Variants in UNC13C observed in about 807,000 individuals in gnomAD.
UNC13C encodes the protein protein unc-13 homolog C.
A neutral mutation model predicts 245.4 loss-of-function variants in UNC13C; 174 were observed. The ratio of observed to expected loss-of-function variants is 0.71; its 90% CI spans 0.63 to 0.80. The LOEUF (loss-of-function observed/expected upper bound fraction) is 0.80, where lower values mean the gene tolerates loss of function less well. UNC13C is among the 30% of genes least tolerant of loss of function. The pLI is 0.00. For missense variants in UNC13C, 2,829 were observed against 2,602.9 expected, an observed-to-expected ratio of 1.09 and a Z score of -1.89; for synonymous variants, 992 against 895.1, an observed-to-expected ratio of 1.11 and a Z score of -1.93.
intron 2 of UNC13C, among the ~76,000 whole-genome samples, chr15:54,076,353 G>A (rs533152869): frequency 1.4e-5 from 2 of 145,402 alleles, no homozygotes; most frequent in African/African-American, 5.1e-5. Flanking sequence ...GTGAGAATAT[G>A]CGGTGTTTGG....
At chr15:54,019,139 A>G (rs1391296336) in intron 2 of UNC13C, among the ~76,000 whole-genome samples, 3 of 152,140 alleles carry the variant, frequency 2.0e-5, no homozygotes, top group Admixed American at 6.6e-5. Context: ...TTATTATCCC[A>G]TTTTACAGGT....
At chr15:53,936,032 T>C in the UNC13C span, among the ~76,000 whole-genome samples, 1 of 152,190 alleles carries the variant, frequency 6.6e-6, no homozygotes, top group Non-Finnish European at 1.5e-5. Context: ...GTGGCATCAT[T>C]ATGTGGGCCC....
chr15:54,484,972 T>C (rs1390783153), intron 19 of UNC13C, among the ~76,000 whole-genome samples: 1 of 151,606 alleles, frequency 6.6e-6, no homozygotes, highest in Non-Finnish European at 1.5e-5. Flanking sequence ...TGATTATTTA[T>C]GAGTGGTTAA....
chr15:54,148,452 A>AT (rs2032374590), intron 4 of UNC13C, among the ~76,000 whole-genome samples: 1 of 152,142 alleles, frequency 6.6e-6, no homozygotes, highest in South Asian at 2.1e-4. Context: ...CATATTTTTA[A>AT]TTTTCTGTCA....
intron 17 of UNC13C, among the ~76,000 whole-genome samples, chr15:54,362,964 G>C (rs2039270715): frequency 6.6e-6 from 1 of 152,118 alleles, no homozygotes; most frequent in Admixed American, 6.5e-5. Flanking sequence ...CATGGTGATG[G>C]ACAAAAGGCC....
chr15:54,485,319 C>G (rs148392410), intron 19 of UNC13C, among the ~76,000 whole-genome samples: 24 of 152,290 alleles, frequency 1.6e-4, no homozygotes, highest in African/African-American at 5.8e-4. Context: ...CAAGATTGAG[C>G]AAGGATACAA....
At chr15:54,586,620 A>C (rs1898505618) in intron 30 of UNC13C, among the ~76,000 whole-genome samples, 1 of 152,228 alleles carries the variant, frequency 6.6e-6, no homozygotes, top group African/African-American at 2.4e-5. Flanking sequence ...AAACAAATTT[A>C]GGGGGAGACA....
chr15:53,863,950 T>G, the UNC13C span, among the ~76,000 whole-genome samples: 2 of 152,180 alleles, frequency 1.3e-5, no homozygotes, highest in Admixed American at 1.3e-4. Context: ...CTCACCACTT[T>G]GTTAAGACAA....
In UNC13C at chr15:54,015,132, A is replaced by T; in HGVS notation, c.2229A>T (p.Gly743=). ...QWVGQYDSYQ[G]ANSNELYQNQ... is the part of the protein sequence containing the mutation. ...TTGGCCAATATGATTCTTATCAGGG[A>T]GCTAATTCTAATGAGCTATACCAAA... is the stretch of plus-strand genomic sequence containing the variant. The change falls in exon 2 of 33, where the codon GGA becomes GGT. Residue 743 remains glycine (G), a synonymous_variant. Transcript: ENST00000260323. 23 of 1,612,508 alleles carry T rather than the reference A, an allele frequency of 1.4e-5. No individual in the cohort carries two copies. The highest frequency in any genetic ancestry group is 2.0e-5 in the Non-Finnish European group (23 of 1,179,292).
Position 54,338,406 on chromosome 15 carries a change from G to C in UNC13C, c.4630G>C (p.Asp1544His). The change falls in exon 17 of 33, where the codon GAC (aspartate) becomes CAC (histidine). Residue 1544 changes from aspartate (D) to histidine (H), a missense_variant. Coordinates refer to ENST00000260323, the MANE Select transcript of UNC13C (RefSeq NM_001080534.3). The part of the protein sequence containing the change: ...SPPKASMVVK[D>H]CVRACLDSTY... ...CCCAAAAGCGAGCATGGTGGTGAAG[G>C]ACTGTGTAAGGGCTTGCCTGGATTC... The C allele has an allele frequency of 6.2e-7, 1 of 1,613,482 alleles. No homozygotes were observed. The highest frequency in any genetic ancestry group is 8.5e-7 in the Non-Finnish European group (1 of 1,179,536).
intron 17 of UNC13C, among the ~76,000 whole-genome samples, chr15:54,356,420 G>A: frequency 6.6e-6 from 1 of 151,674 alleles, no homozygotes; most frequent in Non-Finnish European, 1.5e-5. Context: ...TAGTCCTTCT[G>A]GGCTGCTATA....
At chr15:54,431,308 A>G (rs1212072596) in intron 19 of UNC13C, among the ~76,000 whole-genome samples, 2 of 151,630 alleles carry the variant, frequency 1.3e-5, no homozygotes, top group African/African-American at 4.8e-5. Flanking sequence ...ACTTCTCTGA[A>G]TCACAAGCTT....
chr15:54,237,762 T>C (rs2035742731), intron 7 of UNC13C, 72 bp downstream of exon 7: 1 of 1,237,616 alleles, frequency 8.1e-7, no homozygotes, highest in Middle Eastern at 2.2e-4. Flanking sequence ...ACTGTTCTGC[T>C]TGAGCTACTC....
chr15:54,565,666 T>C (rs756567313), intron 29 of UNC13C, among the ~76,000 whole-genome samples: 10 of 151,988 alleles, frequency 6.6e-5, no homozygotes, highest in Admixed American at 1.3e-4. Flanking sequence ...TAAGAAAAGC[T>C]GGAATAGAGG....
chr15:54,284,739 G>A (rs575138703), intron 10 of UNC13C, among the ~76,000 whole-genome samples: 22 of 152,044 alleles, frequency 1.4e-4, no homozygotes, highest in African/African-American at 5.3e-4. Context: ...TGAACACGGG[G>A]TATTTTCCTA....
chr15:54,093,485 T>G (rs1899680305), intron 2 of UNC13C, among the ~76,000 whole-genome samples: 1 of 152,238 alleles, frequency 6.6e-6, no homozygotes, highest in Non-Finnish European at 1.5e-5. Context: ...ATTATAATCT[T>G]TGTCAAACTG....
At chr15:54,258,647 A>T (rs1242852415) in intron 8 of UNC13C, among the ~76,000 whole-genome samples, 1 of 152,012 alleles carries the variant, frequency 6.6e-6, no homozygotes. Context: ...GGGATTACAG[A>T]TGTGAGCCAC....
intron 2 of UNC13C, among the ~76,000 whole-genome samples, chr15:54,024,693 C>T (rs1425863208): frequency 3.3e-5 from 5 of 151,914 alleles, no homozygotes; most frequent in Non-Finnish European, 7.4e-5. Flanking sequence ...CCGAGGCGGG[C>T]GGATCACGAG....
At chr15:54,390,502 A>C (rs866699006) in intron 17 of UNC13C, among the ~76,000 whole-genome samples, 1 of 152,130 alleles carries the variant, frequency 6.6e-6, no homozygotes, top group South Asian at 2.1e-4. Flanking sequence ...ATCTATTAAC[A>C]AAATAATTTT....
Sources: allele counts gnomAD v4.1 joint callset (sites outside exome capture counted in the v4.1 genomes callset), GRCh38; gene constraint gnomAD v4.1.1; transcripts MANE v1.5; gene names NCBI Gene and HGNC (gene_info 2026-07-23, HGNC 2026-07-21).